BMX: variants seen among roughly 807,000 people sequenced by gnomAD.
BMX encodes the protein cytoplasmic tyrosine-protein kinase BMX.
A neutral mutation model predicts 59.2 loss-of-function variants in BMX; 31 were observed. The ratio of observed to expected loss-of-function variants is 0.52; its 90% confidence interval spans 0.39 to 0.71. The LOEUF (loss-of-function observed/expected upper bound fraction) is 0.71. Ranked by LOEUF, BMX falls within the 30% of genes least tolerant of loss-of-function variation. The probability of loss-of-function intolerance (pLI) is 0.00; values close to 1 mark genes in which losing one functional copy is unlikely to be tolerated. For missense variants in BMX, 474 were observed against 491.7 expected, an observed-to-expected ratio of 0.96 and a Z score of 0.34; for synonymous variants, 185 against 181.0, an observed-to-expected ratio of 1.02 and a Z score of -0.18.
rs754941859 is a variant in BMX at position 15,536,376 on chromosome X, C to T, written c.1171C>T (p.Pro391Ser). The stretch of plus-strand genomic sequence containing the variant: ...AGGCATGATCACACGGCTCCGCCAC[C>T]CTGTGTCAACAAAGGCCAACAAGGT... ...SAGMITRLRH[P>S]VSTKANKVPD... is the part of the protein sequence containing the mutation. Residue 391 changes from proline to serine, a missense_variant, in exon 13 of 19, where the codon CCT becomes TCT. Coordinates refer to ENST00000348343, the MANE Select transcript of BMX (RefSeq NM_203281.3). 2 of 1,209,437 alleles carry T rather than the reference C, an allele frequency of 1.7e-6. No individual in the cohort carries two copies. The highest frequency in any genetic ancestry group is 2.2e-5 in the Admixed American group (1 of 45,898).
chrX:15,536,141 A>T (rs1569227289), intron 12 of BMX, among the ~76,000 whole-genome samples: 1 of 112,454 alleles, frequency 8.9e-6, no homozygotes, highest in Non-Finnish European at 1.9e-5. Flanking sequence ...AATCACATAC[A>T]GTGTTTTATT....
intron 13 of BMX, among the ~76,000 whole-genome samples, chrX:15,536,679 C>T (rs1925368341): frequency 9.0e-6 from 1 of 110,838 alleles, no homozygotes; most frequent in Non-Finnish European, 1.9e-5. Context: ...TAGCCTCCAG[C>T]ACACCATTGT....
intron 18 of BMX, 36 bp downstream of exon 18, chrX:15,550,033 C>T: frequency 8.5e-7 from 1 of 1,177,808 alleles, no homozygotes; most frequent in Non-Finnish European, 1.1e-6. Flanking sequence ...GAAGGGGTCT[C>T]AGGCACATCC....
intron 12 of BMX, among the ~76,000 whole-genome samples, chrX:15,535,455 G>A (rs1407848630): frequency 9.0e-6 from 1 of 111,556 alleles, no homozygotes; most frequent in Non-Finnish European, 1.9e-5. Context: ...TTAACCTGTA[G>A]TACCTCAGAA....
intron 4 of BMX, 144 bp from the exon 5 acceptor site, chrX:15,515,968 A>ACAG (rs1366151779): frequency 2.6e-6 from 2 of 769,300 alleles, no homozygotes; most frequent in African/African-American, 4.2e-5. Flanking sequence ...TGAAAGACCT[A>ACAG]TATCCTTCCG....
intron 14 of BMX, among the ~76,000 whole-genome samples, chrX:15,539,908 T>A (rs1391357736): frequency 2.7e-5 from 3 of 112,040 alleles, no homozygotes; most frequent in Non-Finnish European, 5.6e-5. Flanking sequence ...AGAATGGCAA[T>A]CATTAAAAAG....
chrX:15,528,966 G>A (rs903118890), intron 9 of BMX, among the ~76,000 whole-genome samples: 2 of 111,940 alleles, frequency 1.8e-5, no homozygotes, highest in Non-Finnish European at 3.8e-5. Flanking sequence ...TAAGAAAAAC[G>A]ATCAGTTAAA....
chrX:15,508,315 A>G (rs1426028744), intron 1 of BMX, 30 bp from the exon 2 acceptor site: 1 of 1,031,375 alleles, frequency 9.7e-7, no homozygotes, highest in Non-Finnish European at 1.3e-6. Context: ...GATGCTGCAA[A>G]TACTCATTTT....
chrX:15,530,182 G>A, intron 10 of BMX, among the ~76,000 whole-genome samples, 155 bp downstream of exon 10: 1 of 112,010 alleles, frequency 8.9e-6, no homozygotes, highest in Non-Finnish European at 1.9e-5. Flanking sequence ...GACTCTTCAT[G>A]TCTAGCCACT....
chrX:15,516,217 C>A lies in BMX; in HGVS notation c.431C>A (p.Thr144Asn), dbSNP rs1319561771. The part of the protein sequence containing the change: ...QQSCKAAPGC[T>N]LWEAYANLHT... ...AGCTGTAAAGCAGCCCCAGGATGTA[C>A]CCTCTGGGAAGCATGTAATGTGTGA... Residue 144 changes from threonine to asparagine, a missense_variant, in exon 5 of 19, where the codon ACC becomes AAC. Coordinates refer to ENST00000348343, the MANE Select transcript of BMX (RefSeq NM_203281.3). 11 of 1,209,752 alleles carry A rather than the reference C, an allele frequency of 9.1e-6. No individual in the cohort carries two copies. Among genetic ancestry groups the A allele is most frequent in the Non-Finnish European group, 1.0e-5 (9 of 894,434 alleles).
At chrX:15,554,097 A>G (rs1926318404) in intron 18 of BMX, among the ~76,000 whole-genome samples, 1 of 112,507 alleles carries the variant, frequency 8.9e-6, no homozygotes, top group South Asian at 3.6e-4. Context: ...ATTTTGATTC[A>G]TCCTTCTGGT....
intron 9 of BMX, 139 bp downstream of exon 9, chrX:15,526,234 G>T: frequency 2.1e-6 from 1 of 470,965 alleles, no homozygotes; most frequent in Non-Finnish European, 3.3e-6. Flanking sequence ...TAATGTTCTG[G>T]GTCATTTATC....
chrX:15,518,519 A>G (rs973631437), intron 6 of BMX, among the ~76,000 whole-genome samples: 5 of 112,065 alleles, frequency 4.5e-5, no homozygotes, highest in Non-Finnish European at 7.5e-5. Flanking sequence ...TTTTGCAGTC[A>G]TTCTCAAATG....
chrX:15,539,631 A>G (rs112345039), intron 14 of BMX, among the ~76,000 whole-genome samples: 4,094 of 112,023 alleles, frequency 0.037, 197 homozygotes, highest in African/African-American at 0.12. Context: ...ATAACTAAAA[A>G]TTTAATAAAT....
rs184295814 is a variant in BMX at position 15,517,411 on chromosome X, T to C, written c.446-518T>C. On this transcript the variant is annotated intron_variant, in intron 5 of 18. Transcript: ENST00000348343. ...TTACCTAGCAGGTCAGATTCCAGCT[T>C]TGACAATGCCCTAACTTTCTGGAAG... Among the ~76,000 whole-genome samples, 13 of 111,861 alleles carry C rather than the reference T, an allele frequency of 1.2e-4. No homozygotes were observed. In the East Asian group the frequency reaches 3.7e-3, roughly 32 times the overall value.
chrX:15,542,264 G>T (rs1290091344), intron 15 of BMX, 66 bp downstream of exon 15: 41 of 1,066,766 alleles, frequency 3.8e-5, no homozygotes, highest in Non-Finnish European at 5.2e-5. Context: ...CTGGAGATGG[G>T]GTCACTGGTA....
At chrX:15,516,954 G>A (rs1309530214) in intron 5 of BMX, among the ~76,000 whole-genome samples, 1 of 111,378 alleles carries the variant, frequency 9.0e-6, no homozygotes, top group African/African-American at 3.3e-5. Context: ...TTTGGTAACA[G>A]TTTTACCAGC....
intron 5 of BMX, 40 bp downstream of exon 5, chrX:15,516,271 A>G (rs202163128): frequency 3.4e-6 from 4 of 1,191,961 alleles, no homozygotes; most frequent in Middle Eastern, 3.2e-4. Flanking sequence ...CGTTGGGTGG[A>G]TAGTGCTCCA....
intron 16 of BMX, among the ~76,000 whole-genome samples, chrX:15,544,175 A>T (rs1925836562): frequency 1.8e-5 from 2 of 111,516 alleles, no homozygotes; most frequent in African/African-American, 6.5e-5. Flanking sequence ...TTTAGCAAAC[A>T]TTGCCCTAAA....
Sources: allele counts gnomAD v4.1 joint callset (sites outside exome capture counted in the v4.1 genomes callset), GRCh38; gene constraint gnomAD v4.1.1; transcripts MANE v1.5; gene names NCBI Gene and HGNC (gene_info 2026-07-23, HGNC 2026-07-21).